The following DENND5A variants were observed in gnomAD, a reference collection of about 807,000 sequenced individuals.
The protein encoded by DENND5A is DENN domain-containing protein 5A.
Under a neutral mutation model 140.3 loss-of-function variants are expected in DENND5A, and 64 were observed. The observed-to-expected ratio is 0.46, with a 90% CI of 0.37 to 0.56. DENND5A has a LOEUF of 0.56. Among genes scored for constraint, DENND5A ranks in the 20% least tolerant of loss-of-function variants. The pLI, the probability that DENND5A is intolerant of heterozygous loss-of-function variation, is 0.00. For missense variants in DENND5A, 1,292 were observed against 1,593.8 expected (o/e 0.81, Z 3.22); for synonymous variants, 605 against 607.7 (o/e 1.00, Z 0.07).
chr11:9,191,339 A>G (rs1380443157), intron 5 of DENND5A, among the ~76,000 whole-genome samples: 2 of 152,034 alleles, frequency 1.3e-5, no homozygotes, highest in Admixed American at 1.3e-4. Flanking sequence ...CCGGGCTTCA[A>G]CAATTCTCCT....
intron 8 of DENND5A, chr11:9,177,930 A>G (rs981875601): frequency 2.4e-5 from 14 of 578,820 alleles, no homozygotes; most frequent in African/African-American, 7.5e-5. Context: ...ACTACATACA[A>G]TGAGATCCAT....
At chr11:9,174,565 C>T (rs1157274731) in intron 8 of DENND5A, among the ~76,000 whole-genome samples, 3 of 147,700 alleles carry the variant, frequency 2.0e-5, no homozygotes, top group Admixed American at 6.8e-5. Flanking sequence ...CCAGGCATGG[C>T]GGCACACATC....
intron 1 of DENND5A, among the ~76,000 whole-genome samples, chr11:9,208,514 A>G (rs1185681420): frequency 6.6e-6 from 1 of 152,250 alleles, no homozygotes; most frequent in Non-Finnish European, 1.5e-5. Context: ...AAAAGTTTCT[A>G]AAAGAGAAAA....
intron 1 of DENND5A, among the ~76,000 whole-genome samples, chr11:9,250,961 C>A (rs1345153437): frequency 1.3e-5 from 2 of 151,822 alleles, no homozygotes; most frequent in Non-Finnish European, 2.9e-5. Context: ...ATGGTGAAAC[C>A]CCCTCTCTAC....
At chr11:9,186,527 A>T (rs1055235280) in intron 5 of DENND5A, among the ~76,000 whole-genome samples, 4 of 152,236 alleles carry the variant, frequency 2.6e-5, no homozygotes. Flanking sequence ...AACAGCTAGA[A>T]ATACCTACAT....
chr11:9,171,099 G>A (rs1848358796), intron 8 of DENND5A: 2 of 277,426 alleles, frequency 7.2e-6, no homozygotes, highest in Middle Eastern at 1.2e-3. Flanking sequence ...GTTCTAGGCA[G>A]AGACTGGTGG....
chr11:9,264,371 C>G (rs1852347859), intron 1 of DENND5A, among the ~76,000 whole-genome samples: 1 of 152,148 alleles, frequency 6.6e-6, no homozygotes, highest in Non-Finnish European at 1.5e-5. Context: ...CCCCGGGATA[C>G]AAGCCCTTTC....
At chr11:9,213,808 C>CAAAAAA in intron 1 of DENND5A, among the ~76,000 whole-genome samples, 1 of 69,628 alleles carries the variant, frequency 1.4e-5, no homozygotes, top group East Asian at 4.6e-4. Flanking sequence ...CTCCGTCTCC[C>CAAAAAA]AAAAAAAAAA....
At chr11:9,184,757 A>G (rs1204388168) in intron 5 of DENND5A, among the ~76,000 whole-genome samples, 1 of 152,318 alleles carries the variant, frequency 6.6e-6, no homozygotes, top group Middle Eastern at 3.4e-3. Flanking sequence ...ATCTTATGCC[A>G]TGTTTCTATT....
intron 14 of DENND5A, 78 bp downstream of exon 14, chr11:9,150,602 T>C: frequency 1.0e-6 from 1 of 984,708 alleles, no homozygotes; most frequent in Non-Finnish European, 1.6e-6. Flanking sequence ...CACTGAGACC[T>C]TGTTACTAAA....
chr11:9,194,886 A>G (rs1292663963), intron 4 of DENND5A, among the ~76,000 whole-genome samples: 1 of 146,878 alleles, frequency 6.8e-6, no homozygotes, highest in Non-Finnish European at 1.5e-5. Flanking sequence ...CACCTGGCTA[A>G]TTTTGTGTTT....
chr11:9,161,428 T>C (rs904394959), intron 11 of DENND5A, among the ~76,000 whole-genome samples: 1 of 152,256 alleles, frequency 6.6e-6, no homozygotes, highest in Admixed American at 6.5e-5. Context: ...TTCATCACTC[T>C]GTATTCAGTT....
intron 13 of DENND5A, among the ~76,000 whole-genome samples, chr11:9,151,393 A>G (rs1376289677): frequency 6.6e-6 from 1 of 152,204 alleles, no homozygotes; most frequent in Non-Finnish European, 1.5e-5. Context: ...TGACTTCTAT[A>G]GCATTCTTAA....
chr11:9,179,427 C>T (rs1848651989), intron 6 of DENND5A, among the ~76,000 whole-genome samples: 2 of 151,608 alleles, frequency 1.3e-5, no homozygotes, highest in Non-Finnish European at 2.9e-5. Context: ...AACAAACCAA[C>T]AAGGTTAAAT....
intron 1 of DENND5A, among the ~76,000 whole-genome samples, chr11:9,259,447 T>A (rs2136305105): frequency 6.6e-6 from 1 of 150,426 alleles, no homozygotes; most frequent in African/African-American, 2.4e-5. Flanking sequence ...GCGCCTGTAG[T>A]CCCAGCTACT....
intron 5 of DENND5A, 106 bp from the exon 6 acceptor site, chr11:9,181,190 G>A: frequency 2.2e-6 from 2 of 918,870 alleles, no homozygotes; most frequent in Admixed American, 5.6e-5. Flanking sequence ...CACCTGAAAT[G>A]GCTATATTTG....
intron 11 of DENND5A, among the ~76,000 whole-genome samples, chr11:9,164,089 TGA>T (rs1848097073): frequency 2.5e-5 from 3 of 121,338 alleles, no homozygotes; most frequent in East Asian, 4.4e-4. Flanking sequence ...TTTTTTTTTT[TGA>T]GAGAGGGTCT....
At chr11:9,150,910 G>A in intron 13 of DENND5A, 146 bp from the exon 14 acceptor site, 1 of 485,486 alleles carries the variant, frequency 2.1e-6, no homozygotes, top group Non-Finnish European at 3.7e-6. Flanking sequence ...AAATATTTAT[G>A]AAATTCCTAC....
At chr11:9,201,925 C>T (rs1010074586) in intron 4 of DENND5A, among the ~76,000 whole-genome samples, 5 of 152,072 alleles carry the variant, frequency 3.3e-5, no homozygotes, top group African/African-American at 1.2e-4. Flanking sequence ...AGTTAAGAAA[C>T]CACAGACACC....
Sources: allele counts gnomAD v4.1 joint callset (sites outside exome capture counted in the v4.1 genomes callset), GRCh38; gene constraint gnomAD v4.1.1; transcripts MANE v1.5; gene names NCBI Gene and HGNC (gene_info 2026-07-23, HGNC 2026-07-21).